Variants in HIBCH observed in about 807,000 individuals in gnomAD.
The protein encoded by HIBCH is 3-hydroxyisobutyryl-CoA hydrolase, mitochondrial.
Under a neutral mutation model 58.2 loss-of-function variants are expected in HIBCH, and 50 were observed. That is an observed-to-expected ratio of 0.86 (90% CI 0.68 to 1.09). The LOEUF (loss-of-function observed/expected upper bound fraction) is 1.09. HIBCH is among the 50% of genes least tolerant of loss of function. The pLI is 0.00. For synonymous variants in HIBCH, 151 were observed against 146.9 expected (o/e 1.03, Z -0.20); for missense variants, 450 against 449.7 (o/e 1.00, Z -0.01).
intron 6 of HIBCH, 132 bp downstream of exon 6, chr2:190,287,454 C>T (rs1366692900): frequency 8.6e-6 from 6 of 699,918 alleles, no homozygotes; most frequent in Non-Finnish European, 1.5e-5. Flanking sequence ...CTGTCAGGAT[C>T]CAAAATCCAC....
intron 2 of HIBCH, among the ~76,000 whole-genome samples, chr2:190,298,338 T>C (rs1467698390): frequency 6.6e-6 from 1 of 152,180 alleles, no homozygotes; most frequent in Non-Finnish European, 1.5e-5. Flanking sequence ...CACAGTGTCT[T>C]CCACAATGGT....
chr2:190,202,633 G>A (rs746490078), downstream of HIBCH: 2 of 166,878 alleles, frequency 1.2e-5, no homozygotes, highest in Non-Finnish European at 2.9e-5. Context: ...AAAGAGAGTA[G>A]AAGGACTGTC....
chr2:190,243,425 TCTC>T lies in HIBCH; in HGVS notation c.891+1459_891+1461del, dbSNP rs1157278018. Among the ~76,000 whole-genome samples the T allele has an allele frequency of 6.6e-6, 1 of 152,186 alleles. No individual in the cohort carries two copies. The highest frequency in any genetic ancestry group is 1.5e-5 in the Non-Finnish European group (1 of 68,034). ...TAATAAACTCCCCTTTATATACATA[TCTC>T]CTATTAGTTCTTTCCCTCTAGAGAA... is the stretch of plus-strand genomic sequence containing the variant. On this transcript the variant is annotated intron_variant, in intron 11 of 13. Coordinates refer to ENST00000359678, the MANE Select transcript of HIBCH (RefSeq NM_014362.4). The surrounding 1 kb of genome is among the most constrained non-coding windows in gnomAD (Gnocchi z 4.1).
intron 1 of HIBCH, among the ~76,000 whole-genome samples, chr2:190,193,403 A>C (rs577557225): frequency 1.3e-5 from 2 of 152,242 alleles, no homozygotes; most frequent in African/African-American, 4.8e-5. Flanking sequence ...TCTTGGTAAT[A>C]CTGGCCTCAT....
intron 11 of HIBCH, among the ~76,000 whole-genome samples, chr2:190,221,784 A>G (rs1360639797): frequency 2.0e-5 from 3 of 152,182 alleles, no homozygotes; most frequent in African/African-American, 7.2e-5. Flanking sequence ...GGAGAGAGGC[A>G]GCTTGACTTC....
chr2:190,222,974 A>ATGAACTTGGATGAAGTTCCAG (rs1162506133), intron 11 of HIBCH, among the ~76,000 whole-genome samples: 1 of 152,252 alleles, frequency 6.6e-6, no homozygotes, highest in Non-Finnish European at 1.5e-5. Context: ...TTTTGCAAGG[A>ATGAACTTGGATGAAGTTCCAG]CATGGATGAA....
intron 11 of HIBCH, among the ~76,000 whole-genome samples, chr2:190,219,042 C>A (rs1241502371): frequency 2.0e-5 from 3 of 152,228 alleles, no homozygotes; most frequent in Non-Finnish European, 4.4e-5. Context: ...GGAAAGGGAA[C>A]CTCCGTAACC....
Position 190,252,286 on chromosome 2 carries a change from C to A in HIBCH, c.539G>T (p.Gly180Val). The change falls in exon 8 of 14, where the codon GGA becomes GTA. Residue 180 changes from glycine (G) to valine (V), a missense_variant. Gly to Val is a moderately radical substitution (Grantham distance 109). Transcript: ENST00000359678. ...TAIGLFPDVG[G>V]GYFLPRLQGK... ...TTGGAGTCGTGGCAAGAAATAACCT[C>A]CACCCACATCAGGGAACAGTCCTGT... 2.5e-6 allele frequency: 4 copies of A among 1,613,264 alleles called. No individual in the cohort carries two copies. Among genetic ancestry groups the A allele is most frequent in the Non-Finnish European group, 3.4e-6 (4 of 1,179,346 alleles).
intron 1 of HIBCH, among the ~76,000 whole-genome samples, chr2:190,191,789 C>G (rs1392693931): frequency 6.6e-6 from 1 of 152,162 alleles, no homozygotes; most frequent in Non-Finnish European, 1.5e-5. Context: ...CTAAATCTTT[C>G]AAATCTCGTT....
In HIBCH at chr2:190,243,458, G is replaced by C. The variant is rs759937477; in HGVS notation, c.891+1429C>G. Among the ~76,000 whole-genome samples, 2 of 152,164 alleles carry C rather than the reference G, an allele frequency of 1.3e-5. No homozygotes were observed. Among genetic ancestry groups the C allele is most frequent in the Non-Finnish European group, 2.9e-5 (2 of 68,034 alleles). On this transcript the variant is annotated intron_variant, in intron 11 of 13. Transcript: ENST00000359678. The surrounding 1 kb of genome is among the most constrained non-coding windows in gnomAD (Gnocchi z 4.1). ...TAGTTCTTTCCCTCTAGAGAACCCT[G>C]ATACACCAACTTAAAGTCGGATTCC... is the stretch of plus-strand genomic sequence containing the variant.
chr2:190,283,621 G>A (rs2664252), intron 6 of HIBCH, among the ~76,000 whole-genome samples: 81,334 of 151,864 alleles, frequency 0.54, 22,734 homozygotes, highest in South Asian at 0.6. Context: ...AACACTCCTC[G>A]TCCTAAGCAT....
chr2:190,284,818 T>C (rs1304449515), intron 6 of HIBCH, among the ~76,000 whole-genome samples: 1 of 152,208 alleles, frequency 6.6e-6, no homozygotes, highest in African/African-American at 2.4e-5. Context: ...TGGGTCTCTT[T>C]TCACTTATCT....
intron 9 of HIBCH, among the ~76,000 whole-genome samples, chr2:190,247,192 CTTGT>C (rs1041520763): frequency 4.6e-5 from 7 of 152,112 alleles, no homozygotes; most frequent in Non-Finnish European, 8.8e-5. Context: ...CCTAATTTAA[CTTGT>C]TTTTCTTAGT....
intron 8 of HIBCH, chr2:190,250,121 A>C: frequency 4.0e-6 from 1 of 250,942 alleles, no homozygotes; most frequent in Non-Finnish European, 7.8e-6. Flanking sequence ...TTATCCATCT[A>C]ATCCCTCACT....
chr2:190,223,507 G>A lies in HIBCH; in HGVS notation c.892-10432C>T, dbSNP rs77006123. On this transcript the variant is annotated intron_variant, in intron 11 of 13. Coordinates refer to ENST00000359678, the MANE Select transcript of HIBCH (RefSeq NM_014362.4). The stretch of plus-strand genomic sequence containing the variant: ...AGGATGGTAGGCGTGAAGAAAAACA[G>A]AGTCAAGGAAAGGCTTTGTGATTTG... Among the ~76,000 whole-genome samples, 720 of 152,334 alleles carry A rather than the reference G, an allele frequency of 4.7e-3. 4 individuals are homozygous for A. The highest frequency in any genetic ancestry group is 7.0e-3 in the Non-Finnish European group (476 of 68,022).
downstream of HIBCH, chr2:190,200,005 AAGGAACCTCC>A: frequency 6.2e-7 from 1 of 1,614,100 alleles, no homozygotes; most frequent in Non-Finnish European, 8.5e-7. Flanking sequence ...AGAGGAAGTG[AAGGAACCTCC>A]AGGGACCAAT....
chr2:190,316,205 T>A (rs1045645436), intron 1 of HIBCH, among the ~76,000 whole-genome samples: 5 of 152,170 alleles, frequency 3.3e-5, no homozygotes, highest in Non-Finnish European at 7.4e-5. Context: ...AGTGCAGTGG[T>A]ATGATACATG....
intron 1 of HIBCH, among the ~76,000 whole-genome samples, chr2:190,190,580 G>A (rs945594060): frequency 2.0e-5 from 3 of 149,648 alleles, no homozygotes; most frequent in Non-Finnish European, 4.5e-5. Flanking sequence ...GAAATGAAAT[G>A]GCTGGTTCAC....
chr2:190,300,728 G>A (rs758050791), intron 2 of HIBCH, among the ~76,000 whole-genome samples: 12 of 152,142 alleles, frequency 7.9e-5, no homozygotes, highest in Middle Eastern at 3.4e-3. Flanking sequence ...ATCTTTGCCC[G>A]TTCTTATGTC....
Sources: gnomAD v4.1 joint callset for allele counts (sites outside exome capture counted in the v4.1 genomes callset) on GRCh38, gnomAD v4.1.1 for gene constraint, Gnocchi (gnomAD v3.1) non-coding constraint, MANE v1.5 for transcripts, NCBI Gene and HGNC (gene_info 2026-07-23, HGNC 2026-07-21) for gene names.